Variants in CAMTA1 observed in about 807,000 individuals in gnomAD.
CAMTA1 encodes calmodulin-binding transcription activator 1.
CAMTA1 carries 27 observed loss-of-function variants against 170.9 expected under a neutral mutation model. That is an observed-to-expected ratio of 0.16 (90% CI 0.12 to 0.22). The LOEUF (loss-of-function observed/expected upper bound fraction) is 0.22. CAMTA1 is among the 10% of genes least tolerant of loss of function. The pLI is 1.00. For synonymous variants in CAMTA1, 833 were observed against 891.5 expected (o/e 0.93, Z 1.17); for missense variants, 1,619 against 2,217.2 (o/e 0.73, Z 5.42).
intron 6 of CAMTA1, among the ~76,000 whole-genome samples, chr1:7,521,461 T>G (rs1399432300): frequency 7.2e-6 from 1 of 139,498 alleles, no homozygotes; most frequent in Non-Finnish European, 1.5e-5. Flanking sequence ...TACTTGCATT[T>G]GTGTGTGTGT....
intron 5 of CAMTA1, among the ~76,000 whole-genome samples, chr1:7,391,476 C>T (rs1046158118): frequency 3.9e-5 from 6 of 152,046 alleles, no homozygotes; most frequent in Admixed American, 6.5e-5. Flanking sequence ...GGCTAAGGGG[C>T]GCTTGGTGTC....
chr1:7,056,518 GAC>G (rs553203689), intron 3 of CAMTA1, among the ~76,000 whole-genome samples: 2 of 152,142 alleles, frequency 1.3e-5, no homozygotes, highest in Non-Finnish European at 2.9e-5. Flanking sequence ...AGTGACATAA[GAC>G]AAATGGTACA....
intron 3 of CAMTA1, among the ~76,000 whole-genome samples, chr1:6,999,036 C>T (rs1697775038): frequency 6.6e-6 from 1 of 152,104 alleles, no homozygotes; most frequent in Non-Finnish European, 1.5e-5. Context: ...TTTCATTTTC[C>T]CAAACTGAAA....
chr1:7,741,092 G>A (rs1039155197), intron 16 of CAMTA1, among the ~76,000 whole-genome samples: 7 of 152,126 alleles, frequency 4.6e-5, no homozygotes, highest in Non-Finnish European at 8.8e-5. Flanking sequence ...AATAGAAGAC[G>A]AATAATGTTT....
chr1:7,703,269 T>TG (rs1395189149), intron 11 of CAMTA1, among the ~76,000 whole-genome samples: 4 of 128,094 alleles, frequency 3.1e-5, no homozygotes, highest in Non-Finnish European at 5.1e-5. Flanking sequence ...GCAAAGGTGG[T>TG]GGGGGGAGCG....
chr1:7,289,098 C>T (rs562697015), intron 5 of CAMTA1, among the ~76,000 whole-genome samples: 67 of 151,964 alleles, frequency 4.4e-4, no homozygotes, highest in Non-Finnish European at 7.9e-4. Flanking sequence ...AGGTGCCACA[C>T]GTTTAAACAA....
In CAMTA1 at chr1:7,383,160, G is replaced by T. The variant is rs1237855303; in HGVS notation, c.439-84670G>T. 2.6e-5 allele frequency among the ~76,000 whole-genome samples: 4 copies of T among 152,096 alleles called. No homozygotes were observed. The East Asian group carries it at 7.7e-4, about 29-fold the overall frequency. On this transcript the variant is annotated intron_variant, in intron 5 of 22. Coordinates refer to ENST00000303635, the MANE Select transcript of CAMTA1 (RefSeq NM_015215.4). ...CACTGAGACCACATGGAGAGTGTGGGTCGTAACCCTGCAGGGCTTCCTACG... is the reference window on the plus strand; with the variant it reads ...CACTGAGACCACATGGAGAGTGTGGTTCGTAACCCTGCAGGGCTTCCTACG...
chr1:7,743,142 C>CTGTTCCCAGCCTAGACCGGGGTT (rs1328508809), intron 16 of CAMTA1, among the ~76,000 whole-genome samples: 1 of 152,134 alleles, frequency 6.6e-6, no homozygotes, highest in African/African-American at 2.4e-5. Context: ...GCCTGAGCCA[C>CTGTTCCCAGCCTAGACCGGGGTT]CACGCCTGGC....
At chr1:7,343,226 C>T (rs748543334) in intron 5 of CAMTA1, among the ~76,000 whole-genome samples, 7 of 152,144 alleles carry the variant, frequency 4.6e-5, no homozygotes, top group Admixed American at 6.5e-5. Context: ...CAGGGCTCAG[C>T]GACTCCGATG....
intron 5 of CAMTA1, among the ~76,000 whole-genome samples, chr1:7,384,857 C>T (rs1305535306): frequency 6.6e-6 from 1 of 152,122 alleles, no homozygotes; most frequent in African/African-American, 2.4e-5. Context: ...CCAACTACCT[C>T]TTGGGCCACT....
chr1:7,748,407 CAAAAT>C lies in CAMTA1; in HGVS notation c.4689+631_4689+635del, dbSNP rs998087516. Among the ~76,000 whole-genome samples, 2 of 152,054 alleles carry C rather than the reference CAAAAT, an allele frequency of 1.3e-5. No individual in the cohort carries two copies. Among genetic ancestry groups the C allele is most frequent in the African/African-American group, 4.8e-5 (2 of 41,408 alleles). ...GTCTCAAAAAAAAACCAGAGGAAAA[CAAAAT>C]AAAACCATCTGCAATTAGACTTGTA... On this transcript the variant is annotated intron_variant, in intron 19 of 22. Coordinates refer to ENST00000303635, the MANE Select transcript of CAMTA1 (RefSeq NM_015215.4). This position sits in a 1 kb window ranked among gnomAD's most constrained non-coding sequence, Gnocchi z 4.7.
intron 4 of CAMTA1, among the ~76,000 whole-genome samples, chr1:7,232,269 G>A (rs542796549): frequency 0.065 from 3 of 46 alleles, no homozygotes; most frequent in Non-Finnish European, 0.11. Context: ...GACTCCCCAG[G>A]TGTGGCTGTG....
chr1:6,943,846 CAAA>C (rs1198830005), intron 3 of CAMTA1, among the ~76,000 whole-genome samples: 3 of 51,698 alleles, frequency 5.8e-5, no homozygotes, highest in African/African-American at 7.5e-5. Flanking sequence ...GACTCTGTCT[CAAA>C]AAAAAAAAAA....
chr1:6,915,906 G>C (rs1304208704), intron 3 of CAMTA1, among the ~76,000 whole-genome samples: 1 of 152,166 alleles, frequency 6.6e-6, no homozygotes, highest in Non-Finnish European at 1.5e-5. Context: ...GTCATTCTTA[G>C]ACTTCAGCAT....
chr1:7,517,490 A>C (rs1046833024), intron 6 of CAMTA1, among the ~76,000 whole-genome samples: 2 of 152,186 alleles, frequency 1.3e-5, no homozygotes, highest in African/African-American at 4.8e-5. Flanking sequence ...AGGTTCTACT[A>C]AATGTTAGCT....
At chr1:7,544,089 A>G (rs1456978291) in intron 6 of CAMTA1, among the ~76,000 whole-genome samples, 1 of 152,200 alleles carries the variant, frequency 6.6e-6, no homozygotes, top group Non-Finnish European at 1.5e-5. Context: ...CATGCTGCTG[A>G]TAAAGACATA....
At chr1:6,845,348 C>CA (rs1432057488) in intron 3 of CAMTA1, among the ~76,000 whole-genome samples, 3 of 152,176 alleles carry the variant, frequency 2.0e-5, no homozygotes, top group Non-Finnish European at 4.4e-5. Flanking sequence ...TATCTGCTAC[C>CA]ACCTCTAACT....
intron 6 of CAMTA1, among the ~76,000 whole-genome samples, chr1:7,498,725 G>C (rs2093889854): frequency 7.0e-6 from 1 of 142,378 alleles, no homozygotes; most frequent in South Asian, 2.3e-4. Context: ...GTGTACATGA[G>C]TGCATGTGCA....
chr1:7,717,885 T>C (rs796918341), intron 11 of CAMTA1, among the ~76,000 whole-genome samples: 7 of 152,354 alleles, frequency 4.6e-5, no homozygotes, highest in African/African-American at 1.7e-4. Context: ...CTTGTTCTTC[T>C]TGAAGTTCAC....
Sources: gnomAD v4.1 joint callset for allele counts (sites outside exome capture counted in the v4.1 genomes callset) on GRCh38, gnomAD v4.1.1 for gene constraint, Gnocchi (gnomAD v3.1) non-coding constraint, MANE v1.5 for transcripts, NCBI Gene and HGNC (gene_info 2026-07-23, HGNC 2026-07-21) for gene names.